CCDC88C: variants seen among roughly 807,000 people sequenced by gnomAD.
CCDC88C encodes the protein protein Daple.
Under a neutral mutation model 198.8 loss-of-function variants are expected in CCDC88C, and 131 were observed. The ratio of observed to expected loss-of-function variants is 0.66; its 90% CI spans 0.57 to 0.76. CCDC88C has a LOEUF of 0.76. Ranked by LOEUF, CCDC88C falls within the 30% of genes least tolerant of loss-of-function variation. The probability of loss-of-function intolerance (pLI) is 0.00; values close to 1 mark genes in which losing one functional copy is unlikely to be tolerated. For missense variants in CCDC88C, 2,553 were observed against 2,631.6 expected, an observed-to-expected ratio of 0.97 and a Z score of 0.65; for synonymous variants, 1,166 against 1,114.7, an observed-to-expected ratio of 1.05 and a Z score of -0.92.
intron 12 of CCDC88C, among the ~76,000 whole-genome samples, chr14:91,322,114 T>C (rs997523477): frequency 6.6e-6 from 1 of 152,064 alleles, no homozygotes; most frequent in Non-Finnish European, 1.5e-5. Flanking sequence ...AGCCCGGTTC[T>C]TCCCCCCTTC....
At chr14:91,279,042 C>T (rs1210684449) in intron 28 of CCDC88C, among the ~76,000 whole-genome samples, 196 bp downstream of exon 28, 1 of 151,908 alleles carries the variant, frequency 6.6e-6, no homozygotes, top group Non-Finnish European at 1.5e-5. Flanking sequence ...GCTGGGACCA[C>T]AGGCATGCGC....
At chr14:91,414,742 G>A (rs1294166004) in intron 2 of CCDC88C, among the ~76,000 whole-genome samples, 2 of 152,144 alleles carry the variant, frequency 1.3e-5, no homozygotes, top group Non-Finnish European at 2.9e-5. Flanking sequence ...CATCCTGAGG[G>A]ACCCAGAAGC....
At chr14:91,304,616 A>G (rs1406366202) in intron 19 of CCDC88C, among the ~76,000 whole-genome samples, 1 of 152,144 alleles carries the variant, frequency 6.6e-6, no homozygotes, top group Non-Finnish European at 1.5e-5. Flanking sequence ...CCTATTTTCT[A>G]GAACAAGTAT....
chr14:91,336,003 C>T (rs966284625), intron 10 of CCDC88C, among the ~76,000 whole-genome samples: 2 of 152,214 alleles, frequency 1.3e-5, no homozygotes, highest in Non-Finnish European at 2.9e-5. Flanking sequence ...GTTTGTCTCA[C>T]TACCTATCCC....
chr14:91,372,533 GGGGGC>G (rs1894858865), intron 3 of CCDC88C, among the ~76,000 whole-genome samples: 1 of 110,540 alleles, frequency 9.0e-6, no homozygotes, highest in African/African-American at 4.2e-5. Flanking sequence ...TGGTGCGGGG[GGGGGC>G]GGGCGGGGGG....
chr14:91,332,361 C>T (rs971376081), intron 10 of CCDC88C, among the ~76,000 whole-genome samples: 1 of 152,158 alleles, frequency 6.6e-6, no homozygotes, highest in East Asian at 1.9e-4. Context: ...CCTCCTGGAC[C>T]GAGGGACACC....
intron 20 of CCDC88C, among the ~76,000 whole-genome samples, chr14:91,303,392 C>T (rs1335929418): frequency 6.6e-6 from 1 of 151,484 alleles, no homozygotes; most frequent in African/African-American, 2.4e-5. Flanking sequence ...CCATCTCCCC[C>T]AGTCCCTGCC....
Position 91,277,047 on chromosome 14 carries a change from G to A in CCDC88C, c.5058+875C>T, listed in dbSNP as rs111900005. Among the ~76,000 whole-genome samples, 353 of 152,284 alleles carry A rather than the reference G, an allele frequency of 2.3e-3. 2 individuals are homozygous for A. The highest frequency in any genetic ancestry group is 8.3e-3 in the African/African-American group (343 of 41,546). On this transcript the variant is annotated intron_variant, in intron 29 of 29. Coordinates refer to ENST00000389857, the MANE Select transcript of CCDC88C (RefSeq NM_001080414.4). Reference sequence around the variant, plus strand: ...TGCAGTGGTGCAATGTCAGCTTACTGCAACCTCCGCCTCCCGGTTTCAAAT... The same window carrying A: ...TGCAGTGGTGCAATGTCAGCTTACTACAACCTCCGCCTCCCGGTTTCAAAT...
chr14:91,377,932 C>T (rs1884546347), intron 3 of CCDC88C, among the ~76,000 whole-genome samples: 1 of 152,224 alleles, frequency 6.6e-6, no homozygotes, highest in African/African-American at 2.4e-5. Context: ...CACGACGCTG[C>T]TCCATACATG....
chr14:91,338,652 A>C lies in CCDC88C; in HGVS notation c.810-82T>G. 9.7e-7 allele frequency: 1 copy of C among 1,033,894 alleles called. No individual in the cohort carries two copies. Among genetic ancestry groups the C allele is most frequent in the Non-Finnish European group, 1.5e-6 (1 of 680,358 alleles). The allele number at this position is 1,033,894 out of a possible 1,614,324, so 64.0% of individuals were successfully genotyped here. On this transcript the variant is annotated intron_variant, in intron 8 of 29. Transcript: ENST00000389857. The surrounding 1 kb of genome is among the most constrained non-coding windows in gnomAD (Gnocchi z 4.8). ...TGGGAGCAGGCTGCCACTTCCTAAA[A>C]CCTGTGGGAAAAGGAAAGGACTCGG...
rs554400203 is a variant in CCDC88C at position 91,303,850 on chromosome 14, C to T, written c.3486G>A (p.Ala1162=). 6.2e-7 allele frequency: 1 copy of T among 1,613,260 alleles called. No homozygotes were observed. Reference sequence around the variant, plus strand: ...GGTCCTGCAGCAGGGCCTCGTAGGCCGCTGTAAGTTGCTCCTGCTGCCTCT... The same window carrying T: ...GGTCCTGCAGCAGGGCCTCGTAGGCTGCTGTAAGTTGCTCCTGCTGCCTCT... ...SLQRQQEQLT[A]AYEALLQDHE... Residue 1162 remains alanine, a synonymous_variant, in exon 20 of 30, where the codon GCG becomes GCA. Transcript: ENST00000389857.
chr14:91,302,635 G>A (rs1006708662), intron 20 of CCDC88C, among the ~76,000 whole-genome samples: 3 of 152,230 alleles, frequency 2.0e-5, no homozygotes, highest in African/African-American at 7.2e-5. Context: ...AATGGGGTGA[G>A]GGTGTGGAGA....
intron 4 of CCDC88C, among the ~76,000 whole-genome samples, chr14:91,349,437 T>C (rs1893687445): frequency 6.6e-6 from 1 of 152,356 alleles, no homozygotes; most frequent in East Asian, 1.9e-4. Flanking sequence ...AAGTGCTTTA[T>C]GGTTACACTT....
At chr14:91,377,405 C>T (rs1326154572) in intron 3 of CCDC88C, among the ~76,000 whole-genome samples, 4 of 152,082 alleles carry the variant, frequency 2.6e-5, no homozygotes, top group South Asian at 2.1e-4. Context: ...GGTCGGCAGG[C>T]GCGGTTATTC....
rs1555430009 is a variant in CCDC88C at position 91,401,346 on chromosome 14, A to ATATATT, written c.270+7312_270+7313insAATATA. Among the ~76,000 whole-genome samples the ATATATT allele has an allele frequency of 7.2e-3, 910 of 126,982 alleles. 4 individuals carry two copies. The highest frequency in any genetic ancestry group is 0.012 in the Non-Finnish European group (699 of 57,976). The allele number at this position is 126,982 out of a possible 152,430, so 83.3% of individuals were successfully genotyped here. A position where few individuals can be genotyped will look rare whatever the true frequency, so the allele number is the denominator to read the frequency against. On this transcript the variant is annotated intron_variant, in intron 3 of 29. Coordinates refer to ENST00000389857, the MANE Select transcript of CCDC88C (RefSeq NM_001080414.4). The stretch of plus-strand genomic sequence containing the variant: ...TATTACATATATTATATATATATAT[A>ATATATT]TTTTTTGAGACGGAGCCTTACTCTG...
chr14:91,338,398 C>T lies in CCDC88C; in HGVS notation c.891+91G>A, dbSNP rs1313901211. On this transcript the variant is annotated intron_variant, in intron 9 of 29. Transcript: ENST00000389857. This position sits in a 1 kb window ranked among gnomAD's most constrained non-coding sequence, Gnocchi z 4.8. Reference sequence around the variant, plus strand: ...GTGGCTCTTGTGTGGCTTAAAAGCGCTGCTGTTGAGCTCCTGACCCTCCAG... The same window carrying T: ...GTGGCTCTTGTGTGGCTTAAAAGCGTTGCTGTTGAGCTCCTGACCCTCCAG... The T allele has an allele frequency of 1.7e-6, 2 of 1,175,942 alleles. No homozygotes were observed. Among genetic ancestry groups the T allele is most frequent in the Admixed American group, 4.0e-5 (2 of 50,126 alleles). The allele number at this position is 1,175,942 out of a possible 1,614,324, so 72.8% of individuals were successfully genotyped here.
rs34204634 is a variant in CCDC88C, at chr14:91,275,818, C to CTTTT, written c.5058+2100_5058+2103dup. Among the ~76,000 whole-genome samples, 286 of 82,222 alleles carry CTTTT rather than the reference C, an allele frequency of 3.5e-3. 11 individuals carry two copies. The highest frequency in any genetic ancestry group is 0.01 in the South Asian group (21 of 2,080). 53.9% of individuals were successfully genotyped at this position (82,222 alleles called of 152,430 possible). The stretch of plus-strand genomic sequence containing the variant: ...CACCGCTTGGCCTAGACCAGTGGTT[C>CTTTT]TTTTTTTTTTTTTTTTTTTTTGAGA... On this transcript the variant is annotated intron_variant, in intron 29 of 29. Transcript: ENST00000389857.
At chr14:91,337,633 A>G (rs1175259434) in intron 10 of CCDC88C, among the ~76,000 whole-genome samples, 2 of 152,226 alleles carry the variant, frequency 1.3e-5, no homozygotes, top group African/African-American at 4.8e-5. Context: ...GAGCCGCTGC[A>G]CCCGGTTGCC....
In CCDC88C at chr14:91,338,424, G is replaced by T; in HGVS notation, c.891+65C>A. 2.2e-6 allele frequency: 3 copies of T among 1,382,568 alleles called. No homozygotes were observed. The highest frequency in any genetic ancestry group is 3.0e-6 in the Non-Finnish European group (3 of 993,802). The allele number at this position is 1,382,568 out of a possible 1,614,324, so 85.6% of individuals were successfully genotyped here. A position where few individuals can be genotyped will look rare whatever the true frequency, so the allele number is the denominator to read the frequency against. On this transcript the variant is annotated intron_variant, in intron 9 of 29. Transcript: ENST00000389857. This position sits in a 1 kb window ranked among gnomAD's most constrained non-coding sequence, Gnocchi z 4.8. ...TGCTGTTGAGCTCCTGACCCTCCAG[G>T]CCCCGTTACTGGACACTCCAGCCCT...
Sources: allele counts gnomAD v4.1 joint callset (sites outside exome capture counted in the v4.1 genomes callset), GRCh38; gene constraint gnomAD v4.1.1; non-coding constraint Gnocchi (gnomAD v3.1); transcripts MANE v1.5; gene names NCBI Gene and HGNC (gene_info 2026-07-23, HGNC 2026-07-21).